Variants in SPEG observed in about 807,000 individuals in gnomAD.
SPEG encodes striated muscle enriched protein kinase.
A neutral mutation model predicts 300.4 loss-of-function variants in SPEG; 114 were observed. The ratio of observed to expected loss-of-function variants is 0.38; its 90% CI spans 0.33 to 0.44. The LOEUF (loss-of-function observed/expected upper bound fraction) is 0.44. Among genes scored for constraint, SPEG ranks in the 20% least tolerant of loss-of-function variants. The probability of loss-of-function intolerance (pLI) is 1.00; values close to 1 mark genes in which losing one functional copy is unlikely to be tolerated. For missense variants in SPEG, 4,201 were observed against 4,586.2 expected (o/e 0.92, Z 2.43); for synonymous variants, 1,964 against 2,018.9 (o/e 0.97, Z 0.73).
chr2:219,485,611 T>C (rs1354367130), intron 31 of SPEG, 134 bp downstream of exon 31: 9 of 820,368 alleles, frequency 1.1e-5, no homozygotes, highest in African/African-American at 5.4e-5. Context: ...CAGACAACTA[T>C]AACAATAGCA....
At chr2:219,461,419 T>C in intron 6 of SPEG, 1 of 1,017,476 alleles carries the variant, frequency 9.8e-7, no homozygotes, top group Non-Finnish European at 1.2e-6. Flanking sequence ...GCGGTGTGTG[T>C]TCCTCTGCAC....
At chr2:219,487,751 G>A (rs1237211890) in intron 31 of SPEG, among the ~76,000 whole-genome samples, 1 of 152,214 alleles carries the variant, frequency 6.6e-6, no homozygotes, top group Non-Finnish European at 1.5e-5. Flanking sequence ...TCCCATCTCA[G>A]CTCGGGTCAC....
chr2:219,488,747 G>A, intron 33 of SPEG, 31 bp from the exon 34 acceptor site: 1 of 1,611,984 alleles, frequency 6.2e-7, no homozygotes, highest in South Asian at 1.1e-5. Flanking sequence ...AGGGTATAGG[G>A]GCTCACTGGG....
chr2:219,460,684 TCCC>T (rs1690595294), intron 6 of SPEG: 7 of 913,362 alleles, frequency 7.7e-6, no homozygotes, highest in African/African-American at 5.9e-5. Context: ...TCCCCTCTCC[TCCC>T]CCTCCACACC....
intron 18 of SPEG, among the ~76,000 whole-genome samples, chr2:219,475,164 G>T (rs888756922): frequency 2.0e-5 from 3 of 152,020 alleles, no homozygotes; most frequent in Non-Finnish European, 4.4e-5. Context: ...GGTAGTAACT[G>T]TTTGGTTTTC....
rs1321413756 is a variant in SPEG at position 219,451,533 on chromosome 2, T to G, written c.2258-92T>G. 1 of 1,298,850 alleles carries G rather than the reference T, an allele frequency of 7.7e-7. No homozygotes were observed. Among genetic ancestry groups the G allele is most frequent in the Non-Finnish European group, 1.0e-6 (1 of 980,612 alleles). The allele number at this position is 1,298,850 out of a possible 1,614,324, so 80.5% of individuals were successfully genotyped here. A position where few individuals can be genotyped will look rare whatever the true frequency, so the allele number is the denominator to read the frequency against. ...TCCCTGGGGTGCTGAGAGGAGAGGT[T>G]TGGTCTCCTGTGTGGTGTGTGGGGT... On this transcript the variant is annotated intron_variant, in intron 5 of 40. Transcript: ENST00000312358. This position sits in a 1 kb window ranked among gnomAD's most constrained non-coding sequence, Gnocchi z 6.4.
intron 8 of SPEG, 35 bp downstream of exon 8, chr2:219,462,421 C>A (rs1369261295): frequency 1.3e-6 from 2 of 1,512,078 alleles, no homozygotes; most frequent in Non-Finnish European, 1.8e-6. Context: ...CCACCAGCGA[C>A]TCTATGCCAG....
intron 6 of SPEG, chr2:219,460,902 C>A: frequency 1.0e-6 from 1 of 986,280 alleles, no homozygotes; most frequent in Non-Finnish European, 1.2e-6. Context: ...GGGAGCCACG[C>A]TGGGGTGGGC....
Position 219,484,068 on chromosome 2 carries a change from C to T in SPEG, c.6605C>T (p.Ala2202Val). The stretch of plus-strand genomic sequence containing the variant: ...CCTTCTGCCACCACACCTAGTGATG[C>T]TCCGCAGCCCCCCGCACCCCAGCCT... ...AEPSATTPSD[A>V]PQPPAPQPAQ... Residue 2202 changes from alanine to valine, a missense_variant, in exon 30 of 41, where the codon GCT becomes GTT. Ala to Val is a moderately conservative substitution (Grantham distance 64). Around this residue, in one of 4 missense-constraint regions of SPEG, gnomAD observed 1,578 missense variants for 1,506.0 expected, o/e 1.05. Transcript: ENST00000312358. 1 of 1,613,764 alleles carries T rather than the reference C, an allele frequency of 6.2e-7. No individual in the cohort carries two copies. Among genetic ancestry groups the T allele is most frequent in the Non-Finnish European group, 8.5e-7 (1 of 1,179,950 alleles).
Position 219,488,554 on chromosome 2 carries a change from C to A in SPEG, c.7915C>A (p.Arg2639=). ...SVIIVSCKDG[R]QLLSIPRAGK... Reference sequence around the variant, plus strand: ...GATCATCGTGTCCTGCAAAGATGGGCGGCAGCTGCTCAGCATCCCCCGGGC... The same window carrying A: ...GATCATCGTGTCCTGCAAAGATGGGAGGCAGCTGCTCAGCATCCCCCGGGC... Residue 2639 remains arginine (R), a synonymous_variant, in exon 33 of 41, where the codon CGG becomes AGG. Transcript: ENST00000312358. 1 of 1,610,138 alleles carries A rather than the reference C, an allele frequency of 6.2e-7. No individual in the cohort carries two copies. Among genetic ancestry groups the A allele is most frequent in the Non-Finnish European group, 8.5e-7 (1 of 1,178,364 alleles).
At position 219,443,043 on chromosome 2, in the gene SPEG, G is replaced by C. The variant is rs1689041182; in HGVS notation, c.389-1610G>C. The C allele has an allele frequency of 2.2e-6, 3 of 1,349,652 alleles. No individual in the cohort carries two copies. The highest frequency in any genetic ancestry group is 2.9e-5 in the African/African-American group (2 of 69,950). The allele number at this position is 1,349,652 out of a possible 1,614,324, so 83.6% of individuals were successfully genotyped here. A position where few individuals can be genotyped will look rare whatever the true frequency, so the allele number is the denominator to read the frequency against. ...CTGCTTGATGTTGCAGGTCTGGATG[G>C]GAGGCACAGGGACCTTAGGAACAAG... is the stretch of plus-strand genomic sequence containing the variant. On this transcript the variant is annotated intron_variant, in intron 1 of 40. Transcript: ENST00000312358. The surrounding 1 kb of genome is among the most constrained non-coding windows in gnomAD (Gnocchi z 4.6).
rs1247111993 is a variant in SPEG at position 219,459,658 on chromosome 2, C to A, written c.2441-2224C>A. Among the ~76,000 whole-genome samples, 9 of 152,336 alleles carry A rather than the reference C, an allele frequency of 5.9e-5. No individual in the cohort carries two copies. In the East Asian group the frequency reaches 1.7e-3, roughly 29 times the overall value. On this transcript the variant is annotated intron_variant, in intron 6 of 40. Coordinates refer to ENST00000312358, the MANE Select transcript of SPEG (RefSeq NM_005876.5). This position sits in a 1 kb window ranked among gnomAD's most constrained non-coding sequence, Gnocchi z 4.9. The stretch of plus-strand genomic sequence containing the variant: ...TGCTTCCGTTCCCAGTCCCTGGGCC[C>A]GTGAGCCTCCTCAGTACTGTCCAGC...
Position 219,458,387 on chromosome 2 carries a change from A to G in SPEG, c.2441-3495A>G, listed in dbSNP as rs979059294. 6.6e-6 allele frequency among the ~76,000 whole-genome samples: 1 copy of G among 151,532 alleles called. No individual in the cohort carries two copies. Among genetic ancestry groups the G allele is most frequent in the Non-Finnish European group, 1.5e-5 (1 of 67,992 alleles). On this transcript the variant is annotated intron_variant, in intron 6 of 40. Coordinates refer to ENST00000312358, the MANE Select transcript of SPEG (RefSeq NM_005876.5). This position sits in a 1 kb window ranked among gnomAD's most constrained non-coding sequence, Gnocchi z 4.2. ...AGCATCACCTGAGTATGTGTTAGAA[A>G]TGCAGTTTCTTTTTTTTTTTTTCCC...
chr2:219,490,458 A>G lies in SPEG; in HGVS notation c.8971A>G (p.Thr2991Ala), dbSNP rs1575201775. Residue 2991 changes from threonine to alanine, a missense_variant, in exon 37 of 41, where the codon ACG becomes GCG. Physicochemically the swap from Thr to Ala is moderately conservative, Grantham distance 58. Coordinates refer to ENST00000312358, the MANE Select transcript of SPEG (RefSeq NM_005876.5). Reference protein sequence around the residue: ...RACRENATGRTFVAKIVPYAA... With the variant: ...RACRENATGRAFVAKIVPYAA... ...GTGCCGGGAGAATGCCACGGGGCGAACGTTCGTGGCCAAGATCGTGCCCTA... is the reference window on the plus strand; with the variant it reads ...GTGCCGGGAGAATGCCACGGGGCGAGCGTTCGTGGCCAAGATCGTGCCCTA... 1.9e-6 allele frequency: 3 copies of G among 1,613,106 alleles called. No individual in the cohort carries two copies. The East Asian group carries it at 6.7e-5, about 36-fold the overall frequency.
intron 1 of SPEG, among the ~76,000 whole-genome samples, chr2:219,441,809 G>A (rs978233450): frequency 1.3e-5 from 2 of 151,532 alleles, no homozygotes; most frequent in Middle Eastern, 3.4e-3. Context: ...ACAGGACAAG[G>A]AAGGGGCCCC....
intron 1 of SPEG, among the ~76,000 whole-genome samples, chr2:219,438,021 G>A (rs73085280): frequency 0.01 from 1,583 of 152,174 alleles, 27 homozygotes; most frequent in African/African-American, 0.036. Flanking sequence ...TCCTGAAGCC[G>A]GATATGTTAG....
chr2:219,435,443 T>G (rs1575023760), intron 1 of SPEG, 78 bp downstream of exon 1: 22 of 1,407,994 alleles, frequency 1.6e-5, no homozygotes, highest in East Asian at 2.8e-5. Context: ...GCCACGCGGG[T>G]AAGGTACTGG....
In SPEG at chr2:219,480,048, AGGAGAGCCCCAGTACTGCCAGTAT is replaced by A; in HGVS notation, c.5253_5276del (p.Glu1752_Gly1759del). 6.2e-7 allele frequency: 1 copy of A among 1,614,092 alleles called. No individual in the cohort carries two copies. The highest frequency in any genetic ancestry group is 8.5e-7 in the Non-Finnish European group (1 of 1,180,006). ...TTGGGAATGCCCAGGAGCTGACTCC[AGGAGAGCCCCAGTACTGCCAGTAT>A]GGCACACCTGAGTTTGTAGCACCCG... On this transcript the variant is annotated inframe_deletion, in exon 25 of 41. Transcript: ENST00000312358. This position sits in a 1 kb window ranked among gnomAD's most constrained non-coding sequence, Gnocchi z 5.3.
At position 219,489,832 on chromosome 2, in the gene SPEG, G is replaced by A. The variant is rs746429567; in HGVS notation, c.8814G>A (p.Val2938=). ...AGAGCCTCAGCCCGGCCAAGGAGGT[G>A]GTCAGCTCCCCTGGGAGCAGTCCCC... The part of the protein sequence containing the change: ...TVQSLSPAKE[V]VSSPGSSPRS... The change falls in exon 36 of 41, where the codon GTG becomes GTA. Residue 2938 remains valine (V), a synonymous_variant. Transcript: ENST00000312358. 5 of 1,613,502 alleles carry A rather than the reference G, an allele frequency of 3.1e-6. No homozygotes were observed. The South Asian group carries it at 5.5e-5, about 18-fold the overall frequency.
Sources: gnomAD v4.1 joint callset for allele counts (sites outside exome capture counted in the v4.1 genomes callset) on GRCh38, gnomAD v4.1.1 for gene constraint, gnomAD v4.1.1 regional missense constraint, Gnocchi (gnomAD v3.1) non-coding constraint, MANE v1.5 for transcripts, NCBI Gene and HGNC (gene_info 2026-07-23, HGNC 2026-07-21) for gene names.